EYS: variants seen among roughly 807,000 people sequenced by gnomAD.
The protein encoded by EYS is protein eyes shut homolog.
Under a neutral mutation model 282.1 loss-of-function variants are expected in EYS, and 250 were observed. The ratio of observed to expected loss-of-function variants is 0.89; its 90% CI spans 0.80 to 0.98. The LOEUF (loss-of-function observed/expected upper bound fraction) is 0.98, where lower values mean the gene tolerates loss of function less well. Ranked by LOEUF, EYS falls within the 50% of genes least tolerant of loss-of-function variation. The pLI is 0.00. For missense variants in EYS, 4,016 were observed against 3,709.0 expected, an observed-to-expected ratio of 1.08 and a Z score of -2.15; for synonymous variants, 1,355 against 1,282.9, an observed-to-expected ratio of 1.06 and a Z score of -1.20.
chr6:65,238,047 G>A lies in EYS; in HGVS notation c.2023+57816C>T, dbSNP rs555715077. Among the ~76,000 whole-genome samples the A allele has an allele frequency of 2.4e-4, 37 of 151,810 alleles. No homozygotes were observed. The South Asian group carries it at 7.5e-3, about 31-fold the overall frequency. ...AGATTTGTTCATAGTAATGGCTTTA[G>A]GTATATGTATATAGATGGAAACATT... On this transcript the variant is annotated intron_variant, in intron 12 of 42. Transcript: ENST00000503581.
intron 30 of EYS, among the ~76,000 whole-genome samples, chr6:64,284,725 A>G (rs890651166): frequency 2.6e-5 from 4 of 152,128 alleles, no homozygotes; most frequent in East Asian, 3.9e-4. Flanking sequence ...CCCAAACCCC[A>G]ATTCTTGACT....
At chr6:64,958,734 CAAA>C (rs1167094477) in intron 14 of EYS, among the ~76,000 whole-genome samples, 4 of 51,668 alleles carry the variant, frequency 7.7e-5, no homozygotes, top group Middle Eastern at 0.038. Flanking sequence ...GACTCCGTCT[CAAA>C]AAAAAAAAAA....
chr6:64,818,536 C>T (rs9345542), intron 21 of EYS, among the ~76,000 whole-genome samples: 14,051 of 152,134 alleles, frequency 0.092, 869 homozygotes, highest in East Asian at 0.33. Flanking sequence ...CCCAAAACCT[C>T]AAAAGTAGGG....
chr6:64,724,667 A>AATAACTTC (rs1201246232), intron 22 of EYS, among the ~76,000 whole-genome samples: 4 of 152,234 alleles, frequency 2.6e-5, no homozygotes, highest in Non-Finnish European at 5.9e-5. Flanking sequence ...AAGGTATCAG[A>AATAACTTC]ATAACTTCAA....
intron 5 of EYS, among the ~76,000 whole-genome samples, chr6:65,480,498 T>C (rs983937317): frequency 6.6e-5 from 10 of 152,152 alleles, no homozygotes; most frequent in African/African-American, 2.4e-4. Flanking sequence ...AAATTATACT[T>C]ATATTTCTGC....
intron 11 of EYS, among the ~76,000 whole-genome samples, chr6:65,316,597 A>G (rs1027942338): frequency 1.5e-4 from 22 of 150,922 alleles, no homozygotes; most frequent in Non-Finnish European, 3.1e-4. Context: ...CATCATCTAC[A>G]TTAGGTATTT....
intron 15 of EYS, among the ~76,000 whole-genome samples, chr6:64,915,077 C>T (rs77618680): frequency 0.016 from 2,471 of 152,182 alleles, 64 homozygotes; most frequent in African/African-American, 0.057. Context: ...ATTTTCAGGG[C>T]ATCCTTTTAC....
At chr6:64,124,416 T>G (rs989574109) in intron 31 of EYS, among the ~76,000 whole-genome samples, 32 of 152,330 alleles carry the variant, frequency 2.1e-4, no homozygotes, top group South Asian at 1.7e-3. Flanking sequence ...TGAGAAGTGT[T>G]AAATATATTG....
intron 22 of EYS, among the ~76,000 whole-genome samples, chr6:64,767,871 T>C (rs981187126): frequency 6.6e-6 from 1 of 152,130 alleles, no homozygotes; most frequent in African/African-American, 2.4e-5. Context: ...TTTTTCTCCA[T>C]AGTGACTACA....
intron 11 of EYS, among the ~76,000 whole-genome samples, chr6:65,301,599 C>G (rs1034019239): frequency 6.6e-6 from 1 of 152,268 alleles, no homozygotes; most frequent in East Asian, 1.9e-4. Context: ...GGTCCCACTA[C>G]TTTGGAGCTT....
intron 19 of EYS, among the ~76,000 whole-genome samples, chr6:64,868,112 A>G (rs2150052386): frequency 6.6e-6 from 1 of 151,550 alleles, no homozygotes; most frequent in Admixed American, 6.6e-5. Flanking sequence ...TCATTTACAT[A>G]TCATTTTAAT....
intron 33 of EYS, among the ~76,000 whole-genome samples, chr6:64,000,732 C>A (rs1395679300): frequency 6.6e-6 from 1 of 152,152 alleles, no homozygotes. Context: ...GGTTCCTTCT[C>A]CTTGCCTACT....
chr6:64,187,191 C>T (rs1388253391), intron 31 of EYS, among the ~76,000 whole-genome samples: 1 of 152,078 alleles, frequency 6.6e-6, no homozygotes, highest in Non-Finnish European at 1.5e-5. Context: ...GTACTTGGTG[C>T]TTTTTATCTC....
intron 30 of EYS, among the ~76,000 whole-genome samples, chr6:64,280,897 G>C (rs182196808): frequency 1.3e-5 from 2 of 152,184 alleles, no homozygotes; most frequent in East Asian, 3.9e-4. Context: ...TTTAAACTTT[G>C]AGAAAATTAG....
At chr6:65,391,068 C>T (rs2150356283) in intron 7 of EYS, among the ~76,000 whole-genome samples, 1 of 152,034 alleles carries the variant, frequency 6.6e-6, no homozygotes, top group Non-Finnish European at 1.5e-5. Flanking sequence ...TTAAAGATTT[C>T]ATGATGTTAA....
intron 36 of EYS, among the ~76,000 whole-genome samples, chr6:63,825,196 A>G (rs1771427057): frequency 6.6e-6 from 1 of 151,752 alleles, no homozygotes; most frequent in Non-Finnish European, 1.5e-5. Flanking sequence ...TAGGTACACA[A>G]CTCCAGTGAC....
intron 28 of EYS, among the ~76,000 whole-genome samples, chr6:64,431,380 A>T (rs952558117): frequency 6.6e-6 from 1 of 152,168 alleles, no homozygotes; most frequent in Non-Finnish European, 1.5e-5. Flanking sequence ...GTAGCTAAAT[A>T]AGCACACATT....
At chr6:64,393,378 C>G (rs867000287) in intron 28 of EYS, among the ~76,000 whole-genome samples, 1 of 152,166 alleles carries the variant, frequency 6.6e-6, no homozygotes, top group Middle Eastern at 3.4e-3. Flanking sequence ...TGCAAAAAAC[C>G]TCAATAAAAT....
At chr6:63,955,764 C>G (rs1468463728) in intron 35 of EYS, among the ~76,000 whole-genome samples, 1 of 152,118 alleles carries the variant, frequency 6.6e-6, no homozygotes, top group African/African-American at 2.4e-5. Context: ...ACCAACCAAA[C>G]AAGTAATTAC....
Sources: gnomAD v4.1 joint callset for allele counts (sites outside exome capture counted in the v4.1 genomes callset) on GRCh38, gnomAD v4.1.1 for gene constraint, MANE v1.5 for transcripts, NCBI Gene and HGNC (gene_info 2026-07-23, HGNC 2026-07-21) for gene names.